The following PRSS23 variants were observed in gnomAD, a reference collection of about 807,000 sequenced individuals.
PRSS23 encodes serine protease 23.
In PRSS23, 25 loss-of-function variants were observed where a neutral mutation model predicts 34.7. The ratio of observed to expected loss-of-function variants is 0.72; its 90% CI spans 0.53 to 1.01. The LOEUF (loss-of-function observed/expected upper bound fraction) is 1.01, where lower values mean the gene tolerates loss of function less well. Among genes scored for constraint, PRSS23 ranks in the 50% least tolerant of loss-of-function variants. The probability of loss-of-function intolerance (pLI) is 0.00; values close to 1 mark genes in which losing one functional copy is unlikely to be tolerated. For synonymous variants in PRSS23, 176 were observed against 186.6 expected (o/e 0.94, Z 0.46); for missense variants, 445 against 475.6 (o/e 0.94, Z 0.60).
At chr11:86,915,809 G>C (rs1175367333) in intron 2 of PRSS23, among the ~76,000 whole-genome samples, 3 of 152,056 alleles carry the variant, frequency 2.0e-5, no homozygotes, top group Non-Finnish European at 4.4e-5. Flanking sequence ...AGCGCTTTGG[G>C]AGAGACTAAG....
At chr11:86,817,960 T>A (rs192387728) in intron 1 of PRSS23, among the ~76,000 whole-genome samples, 7 of 152,308 alleles carry the variant, frequency 4.6e-5, no homozygotes, top group African/African-American at 1.2e-4. Context: ...ATTCTACTAA[T>A]AGCAAGGTGC....
intron 2 of PRSS23, among the ~76,000 whole-genome samples, chr11:86,829,275 G>A (rs984578168): frequency 1.3e-5 from 2 of 152,098 alleles, no homozygotes; most frequent in African/African-American, 2.4e-5. Flanking sequence ...CTTTCTTCAA[G>A]TTGATCACAT....
intron 2 of PRSS23, among the ~76,000 whole-genome samples, chr11:86,871,700 T>C (rs1050128556): frequency 1.3e-5 from 2 of 152,202 alleles, no homozygotes; most frequent in African/African-American, 2.4e-5. Context: ...TTTTATTCCA[T>C]TTTGTTGTCA....
chr11:86,892,283 C>T (rs1273455279), intron 2 of PRSS23: 2 of 152,280 alleles, frequency 1.3e-5, no homozygotes, highest in Non-Finnish European at 2.9e-5. Flanking sequence ...TCTCTGTAGC[C>T]TTACTTCATT....
At chr11:86,835,203 G>A (rs1948395426) in intron 2 of PRSS23, among the ~76,000 whole-genome samples, 1 of 152,214 alleles carries the variant, frequency 6.6e-6, no homozygotes, top group South Asian at 2.1e-4. Context: ...CAGTGAGTAT[G>A]CCTTTCACAT....
chr11:86,938,401 C>G (rs1391396189), intron 2 of PRSS23, among the ~76,000 whole-genome samples: 1 of 152,106 alleles, frequency 6.6e-6, no homozygotes, highest in Non-Finnish European at 1.5e-5. Flanking sequence ...AACACTTACT[C>G]AGGGACTTGA....
intron 2 of PRSS23, among the ~76,000 whole-genome samples, chr11:86,918,655 T>C (rs1248737205): frequency 2.6e-5 from 4 of 152,360 alleles, no homozygotes; most frequent in Non-Finnish European, 4.4e-5. Flanking sequence ...CTGAGATTAG[T>C]GTGTGCCAGC....
intron 2 of PRSS23, among the ~76,000 whole-genome samples, chr11:86,905,691 C>T (rs1366446198): frequency 6.6e-6 from 1 of 152,098 alleles, no homozygotes. Flanking sequence ...CAGAAGGTGT[C>T]AATATTTACA....
At chr11:86,816,390 A>T (rs1948215468) in intron 1 of PRSS23, among the ~76,000 whole-genome samples, 1 of 152,188 alleles carries the variant, frequency 6.6e-6, no homozygotes, top group African/African-American at 2.4e-5. Context: ...TCCCAGAGTG[A>T]TGAGGCTCAG....
At chr11:86,863,429 C>T (rs1948629219) in intron 2 of PRSS23, among the ~76,000 whole-genome samples, 1 of 152,130 alleles carries the variant, frequency 6.6e-6, no homozygotes, top group South Asian at 2.1e-4. Flanking sequence ...AGGAAATGCC[C>T]CAGGTGCTCA....
At chr11:86,854,023 C>T (rs1430076333) in intron 2 of PRSS23, among the ~76,000 whole-genome samples, 3 of 151,390 alleles carry the variant, frequency 2.0e-5, no homozygotes, top group South Asian at 2.1e-4. Context: ...TTTTTTGAGT[C>T]GCAGTCTCAC....
intron 2 of PRSS23, among the ~76,000 whole-genome samples, chr11:86,827,709 G>A (rs1434404071): frequency 6.6e-6 from 1 of 152,090 alleles, no homozygotes; most frequent in Non-Finnish European, 1.5e-5. Context: ...GTTCTCGTTG[G>A]TTTCAAAGAA....
upstream of PRSS23, among the ~76,000 whole-genome samples, chr11:86,799,529 T>C (rs972140517): frequency 2.6e-5 from 4 of 152,110 alleles, no homozygotes; most frequent in South Asian, 2.1e-4. Context: ...TAAAAATTAG[T>C]GTAATCTCTG....
At chr11:86,800,033 C>A (rs1429770119), upstream of PRSS23, among the ~76,000 whole-genome samples, 1 of 152,208 alleles carries the variant, frequency 6.6e-6, no homozygotes, top group East Asian at 1.9e-4. Context: ...AGGTTCTGAA[C>A]CAATTCTTCA....
intron 2 of PRSS23, among the ~76,000 whole-genome samples, chr11:86,883,166 C>G (rs139466382): frequency 6.6e-6 from 1 of 152,088 alleles, no homozygotes; most frequent in Non-Finnish European, 1.5e-5. Flanking sequence ...CTGTTTACTC[C>G]GTTGAAAAAA....
In PRSS23 at chr11:86,853,932, T is replaced by C. The variant is rs534849820; in HGVS notation, c.206+30339T>C. On this transcript the variant is annotated intron_variant, in intron 2 of 2. Transcript: ENST00000533902. ...CATCCTAATGTGTGGTATCACATTG[T>C]TGGTTTGATTTGTACTTCCTTAAGA... Among the ~76,000 whole-genome samples, 22 of 152,318 alleles carry C rather than the reference T, an allele frequency of 1.4e-4. No homozygotes were observed. In the East Asian group the frequency reaches 4.1e-3, roughly 28 times the overall value.
At chr11:86,902,360 C>T (rs1948917091) in intron 2 of PRSS23, among the ~76,000 whole-genome samples, 2 of 152,178 alleles carry the variant, frequency 1.3e-5, no homozygotes, top group African/African-American at 2.4e-5. Context: ...TTGGACTAGG[C>T]ATTGGTACTT....
intron 2 of PRSS23, among the ~76,000 whole-genome samples, chr11:86,875,595 C>A (rs1948717924): frequency 6.6e-6 from 1 of 152,200 alleles, no homozygotes; most frequent in East Asian, 1.9e-4. Context: ...GGGGTACCAA[C>A]AAGACCACTA....
Position 86,878,136 on chromosome 11 carries a change from T to C in PRSS23, c.206+54543T>C, listed in dbSNP as rs79345541. On this transcript the variant is annotated intron_variant, in intron 2 of 2. Transcript: ENST00000533902. ...TTACTGCATCCAAAACTAAAATTGT[T>C]TTTTAAGTTTCATTTTTGATTGTTC... 8.4e-3 allele frequency among the ~76,000 whole-genome samples: 1,272 copies of C among 152,286 alleles called. 18 individuals carry two copies. The highest frequency in any genetic ancestry group is 0.03 in the African/African-American group (1,231 of 41,540).
Sources: gnomAD v4.1 joint callset for allele counts (sites outside exome capture counted in the v4.1 genomes callset) on GRCh38, gnomAD v4.1.1 for gene constraint, MANE v1.5 for transcripts, NCBI Gene and HGNC (gene_info 2026-07-23, HGNC 2026-07-21) for gene names.